Variants in YTHDF2 observed in about 807,000 individuals in gnomAD.
YTHDF2 encodes the protein YTH N6-methyladenosine RNA binding protein F2.
Under a neutral mutation model 50.4 loss-of-function variants are expected in YTHDF2, and 2 were observed. That is an observed-to-expected ratio of 0.04 (90% CI 0.02 to 0.12). The LOEUF is 0.12. Ranked by LOEUF, YTHDF2 falls within the 10% of genes least tolerant of loss-of-function variation. The probability of loss-of-function intolerance (pLI) is 1.00; values close to 1 mark genes in which losing one functional copy is unlikely to be tolerated. For missense variants in YTHDF2, 483 were observed against 722.6 expected (o/e 0.67, Z 3.80); for synonymous variants, 217 against 255.6 (o/e 0.85, Z 1.44).
chr1:28,758,540 C>G (rs1275582375), intron 4 of YTHDF2, among the ~76,000 whole-genome samples: 3 of 152,256 alleles, frequency 2.0e-5, no homozygotes, highest in East Asian at 3.9e-4. Context: ...TAGATCTACT[C>G]TACATGACCT....
At chr1:28,762,290 G>A (rs1355311001) in intron 4 of YTHDF2, among the ~76,000 whole-genome samples, 1 of 152,198 alleles carries the variant, frequency 6.6e-6, no homozygotes, top group East Asian at 1.9e-4. Context: ...TACTCGGGAG[G>A]CTGAGGCAGG....
chr1:28,745,000 TTA>T (rs1362947609), intron 4 of YTHDF2, among the ~76,000 whole-genome samples: 1 of 152,148 alleles, frequency 6.6e-6, no homozygotes, highest in Non-Finnish European at 1.5e-5. Context: ...GGTGAAAAGT[TTA>T]TGAGCAAGGA....
chr1:28,741,087 T>C (rs1304051757), intron 3 of YTHDF2, among the ~76,000 whole-genome samples: 3 of 151,954 alleles, frequency 2.0e-5, no homozygotes, highest in Admixed American at 2.0e-4. Flanking sequence ...AACCTCTGTC[T>C]CCTGAGTTCA....
At chr1:28,744,132 G>T (rs2087820878) in intron 4 of YTHDF2, 146 bp downstream of exon 4, 2 of 906,650 alleles carry the variant, frequency 2.2e-6, no homozygotes, top group Admixed American at 7.3e-5. Context: ...AGTATAATTG[G>T]TTTTAATACT....
chr1:28,759,608 A>G (rs1474072539), intron 4 of YTHDF2, among the ~76,000 whole-genome samples: 4 of 152,224 alleles, frequency 2.6e-5, no homozygotes, highest in Non-Finnish European at 5.9e-5. Flanking sequence ...CTTGTAATGC[A>G]ATGATAAGTA....
At chr1:28,737,261 G>C in intron 1 of YTHDF2, 114 bp downstream of exon 1, 4 of 1,391,516 alleles carry the variant, frequency 2.9e-6, no homozygotes, top group Non-Finnish European at 3.8e-6. Context: ...CGTCTCTTGC[G>C]GGCCAGGTTT....
At chr1:28,764,843 C>G (rs555023575) in intron 4 of YTHDF2, among the ~76,000 whole-genome samples, 1 of 152,134 alleles carries the variant, frequency 6.6e-6, no homozygotes, top group East Asian at 1.9e-4. Flanking sequence ...CGTGCCAGGC[C>G]TTAATGTTTT....
chr1:28,737,570 T>C, intron 1 of YTHDF2, 88 bp from the exon 2 acceptor site: 1 of 1,583,190 alleles, frequency 6.3e-7, no homozygotes, highest in Non-Finnish European at 8.7e-7. Context: ...TCCTTTATTC[T>C]CCCTTCGGGC....
chr1:28,760,308 T>TGTGTGA (rs1295106086), intron 4 of YTHDF2, among the ~76,000 whole-genome samples: 1 of 137,992 alleles, frequency 7.2e-6, no homozygotes, highest in East Asian at 2.0e-4. Flanking sequence ...TGTGTGTGTG[T>TGTGTGA]GTGTGTGACG....
At chr1:28,736,840 C>T (rs958580427), upstream of YTHDF2, 3 of 384,656 alleles carry the variant, frequency 7.8e-6, no homozygotes, top group East Asian at 4.5e-5. Context: ...GCGCTCGCGC[C>T]GCGCGCGCCG....
intron 4 of YTHDF2, among the ~76,000 whole-genome samples, chr1:28,768,241 A>G (rs1285035211): frequency 1.3e-5 from 2 of 152,188 alleles, no homozygotes; most frequent in African/African-American, 4.8e-5. Flanking sequence ...GCATGAAGTA[A>G]TGTGTGAAAT....
chr1:28,767,593 C>G (rs989710638), intron 4 of YTHDF2, among the ~76,000 whole-genome samples: 1 of 152,054 alleles, frequency 6.6e-6, no homozygotes, highest in African/African-American at 2.4e-5. Flanking sequence ...ACTGCAAGCT[C>G]CGCCTTCCGG....
intron 4 of YTHDF2, among the ~76,000 whole-genome samples, chr1:28,745,679 C>T (rs969217353): frequency 6.8e-6 from 1 of 146,106 alleles, no homozygotes; most frequent in Non-Finnish European, 1.5e-5. Flanking sequence ...GAGCCGAGAT[C>T]GTGCTCTAGC....
At chr1:28,746,594 A>T (rs374955325) in intron 4 of YTHDF2, among the ~76,000 whole-genome samples, 6 of 48,032 alleles carry the variant, frequency 1.2e-4, no homozygotes, top group Non-Finnish European at 2.6e-4. Flanking sequence ...AAAATACTAC[A>T]AAAAAAAAAA....
At chr1:28,738,570 G>A (rs1412963225) in intron 3 of YTHDF2, among the ~76,000 whole-genome samples, 1 of 152,030 alleles carries the variant, frequency 6.6e-6, no homozygotes, top group African/African-American at 2.4e-5. Context: ...TCAGCCTCCC[G>A]AGTAGGTGGG....
chr1:28,756,793 G>T (rs1192808640), intron 4 of YTHDF2, among the ~76,000 whole-genome samples: 1 of 135,888 alleles, frequency 7.4e-6, no homozygotes, highest in Non-Finnish European at 1.5e-5. Context: ...GGCTTTGCCT[G>T]CCTGCCTGCC....
chr1:28,746,952 C>T (rs1384362465), intron 4 of YTHDF2, among the ~76,000 whole-genome samples: 1 of 149,542 alleles, frequency 6.7e-6, no homozygotes, highest in African/African-American at 2.5e-5. Flanking sequence ...CGTGATGGTG[C>T]ATGCCTGTAA....
In YTHDF2 at chr1:28,738,343, GTAGT is replaced by G. The variant is rs1184936000; in HGVS notation, c.132+8_132+11del. 9.9e-6 allele frequency: 16 copies of G among 1,609,354 alleles called. No individual in the cohort carries two copies. The highest frequency in any genetic ancestry group is 1.2e-5 in the Non-Finnish European group (14 of 1,175,776). On this transcript the variant is annotated splice_donor_region_variant and intron_variant, in intron 3 of 4. Coordinates refer to ENST00000373812, the MANE Select transcript of YTHDF2 (RefSeq NM_016258.3). ...TTGAGTCCACAGGCAAGGCCCGTGA[GTAGT>G]TAACTATTTACATATCTAATCGAAG...
intron 4 of YTHDF2, among the ~76,000 whole-genome samples, chr1:28,759,597 A>G (rs1183712026): frequency 6.6e-6 from 1 of 152,234 alleles, no homozygotes; most frequent in Non-Finnish European, 1.5e-5. Context: ...TAGTATAGGC[A>G]CTTGTAATGC....
Sources: allele counts gnomAD v4.1 joint callset (sites outside exome capture counted in the v4.1 genomes callset), GRCh38; gene constraint gnomAD v4.1.1; transcripts MANE v1.5; gene names NCBI Gene and HGNC (gene_info 2026-07-23, HGNC 2026-07-21).